The following ZFAND3 variants were observed in gnomAD, a reference collection of about 807,000 sequenced individuals.
ZFAND3 encodes AN1-type zinc finger protein 3.
In ZFAND3, 10 loss-of-function variants were observed where a neutral mutation model predicts 29.6. The ratio of observed to expected loss-of-function variants is 0.34; its 90% CI spans 0.21 to 0.57. ZFAND3 has a LOEUF of 0.57. Ranked by LOEUF, ZFAND3 falls within the 20% of genes least tolerant of loss-of-function variation. The probability of loss-of-function intolerance (pLI) is 0.86; values close to 1 mark genes in which losing one functional copy is unlikely to be tolerated. For synonymous variants in ZFAND3, 128 were observed against 112.6 expected, an observed-to-expected ratio of 1.14 and a Z score of -0.87; for missense variants, 230 against 304.5, an observed-to-expected ratio of 0.76 and a Z score of 1.82.
chr6:37,880,793 A>G (rs929102161), intron 1 of ZFAND3, among the ~76,000 whole-genome samples: 2 of 148,206 alleles, frequency 1.3e-5, no homozygotes, highest in African/African-American at 5.0e-5. Context: ...CTAGCACCTC[A>G]TAAAAAATAC....
intron 1 of ZFAND3, among the ~76,000 whole-genome samples, chr6:37,899,270 T>C (rs1007897292): frequency 6.6e-6 from 1 of 152,238 alleles, no homozygotes; most frequent in African/African-American, 2.4e-5. Flanking sequence ...TTGATTCTTA[T>C]TTGACTTTCC....
At position 38,139,464 on chromosome 6, in the gene ZFAND3, A is replaced by G. The variant is rs77458836; in HGVS notation, c.530-12771A>G. 3.2e-3 allele frequency among the ~76,000 whole-genome samples: 491 copies of G among 152,278 alleles called. 3 individuals are homozygous for G. The highest frequency in any genetic ancestry group is 0.011 in the African/African-American group (449 of 41,550). The stretch of plus-strand genomic sequence containing the variant: ...GTTCAAGATGCCTTGAAAGCATCCA[A>G]CTGGGCCCTAACCTAGTCTGAGGGT... On this transcript the variant is annotated intron_variant, in intron 5 of 5. Transcript: ENST00000287218.
chr6:38,029,132 A>G (rs531752626), intron 2 of ZFAND3, among the ~76,000 whole-genome samples: 7 of 152,328 alleles, frequency 4.6e-5, no homozygotes, highest in East Asian at 1.9e-4. Context: ...ATAAAATGAA[A>G]GTTTGTAGAA....
At chr6:37,978,469 C>G (rs1244584902) in intron 2 of ZFAND3, among the ~76,000 whole-genome samples, 1 of 152,034 alleles carries the variant, frequency 6.6e-6, no homozygotes, top group Non-Finnish European at 1.5e-5. Context: ...GTATTCCCTT[C>G]CTCTTTAATT....
intron 1 of ZFAND3, among the ~76,000 whole-genome samples, chr6:37,899,928 C>A (rs1265502483): frequency 6.6e-6 from 1 of 152,128 alleles, no homozygotes; most frequent in African/African-American, 2.4e-5. Context: ...TATGTTTGGG[C>A]ATGTACTATA....
chr6:37,880,536 C>A (rs1472287561), intron 1 of ZFAND3, among the ~76,000 whole-genome samples: 1 of 152,052 alleles, frequency 6.6e-6, no homozygotes, highest in African/African-American at 2.4e-5. Flanking sequence ...GGATGAGATA[C>A]CCCCTCTGAA....
intron 2 of ZFAND3, 35 bp downstream of exon 2, chr6:37,930,034 C>G: frequency 6.6e-7 from 1 of 1,510,064 alleles, no homozygotes. Flanking sequence ...AATTTACTTT[C>G]ATTTTTCTTT....
chr6:37,975,512 T>G (rs571904677), intron 2 of ZFAND3, among the ~76,000 whole-genome samples: 36 of 152,294 alleles, frequency 2.4e-4, no homozygotes, highest in African/African-American at 8.7e-4. Context: ...TAAATATTTT[T>G]TCTGCATTTT....
chr6:37,927,624 TC>T (rs1457118362), intron 1 of ZFAND3, among the ~76,000 whole-genome samples: 1 of 152,254 alleles, frequency 6.6e-6, no homozygotes, highest in Non-Finnish European at 1.5e-5. Context: ...TCTCACTTCT[TC>T]CTTGCGTTGG....
chr6:38,042,701 A>G (rs1330553520), intron 2 of ZFAND3, among the ~76,000 whole-genome samples: 1 of 152,210 alleles, frequency 6.6e-6, no homozygotes, highest in East Asian at 1.9e-4. Flanking sequence ...AAGGTAAGAA[A>G]AACAAGAGTA....
chr6:37,859,225 T>C (rs1764437100), intron 1 of ZFAND3, among the ~76,000 whole-genome samples: 1 of 152,258 alleles, frequency 6.6e-6, no homozygotes, highest in Non-Finnish European at 1.5e-5. Flanking sequence ...ATCAAGTATG[T>C]TAATGTATAT....
intron 2 of ZFAND3, among the ~76,000 whole-genome samples, chr6:38,005,889 A>G (rs779853986): frequency 1.2e-4 from 19 of 152,232 alleles, no homozygotes; most frequent in Non-Finnish European, 2.4e-4. Flanking sequence ...ATATATGGAC[A>G]TTTGGCAGAT....
At chr6:37,880,663 A>G (rs886487388) in intron 1 of ZFAND3, among the ~76,000 whole-genome samples, 2 of 152,134 alleles carry the variant, frequency 1.3e-5, no homozygotes, top group Non-Finnish European at 2.9e-5. Flanking sequence ...TCTTTCATGA[A>G]GGATATATTT....
intron 1 of ZFAND3, among the ~76,000 whole-genome samples, chr6:37,876,726 G>C (rs1764800065): frequency 6.6e-6 from 1 of 152,144 alleles, no homozygotes. Flanking sequence ...TTTGGAGTGT[G>C]GTTGAAAGAG....
intron 5 of ZFAND3, among the ~76,000 whole-genome samples, chr6:38,121,879 C>G (rs1357789063): frequency 2.0e-5 from 3 of 152,202 alleles, no homozygotes; most frequent in African/African-American, 7.2e-5. Context: ...CACTTTAAGA[C>G]CAAGTAAATG....
chr6:37,820,231 C>A (rs1309621021), intron 1 of ZFAND3, among the ~76,000 whole-genome samples: 1 of 152,040 alleles, frequency 6.6e-6, no homozygotes, highest in Non-Finnish European at 1.5e-5. Flanking sequence ...GCGTTGCTAC[C>A]CTTTGGGACT....
At chr6:37,934,958 A>G (rs973789196) in intron 2 of ZFAND3, among the ~76,000 whole-genome samples, 5 of 151,388 alleles carry the variant, frequency 3.3e-5, no homozygotes, top group Non-Finnish European at 7.4e-5. Context: ...CCCCTTTCAC[A>G]TATTCTGTAT....
intron 2 of ZFAND3, among the ~76,000 whole-genome samples, chr6:37,985,688 A>G (rs564229412): frequency 2.0e-5 from 3 of 152,318 alleles, no homozygotes; most frequent in African/African-American, 4.8e-5. Flanking sequence ...CCAAAAAAAA[A>G]TAACAATAAG....
chr6:37,870,540 A>C (rs912645993), intron 1 of ZFAND3, among the ~76,000 whole-genome samples: 5 of 146,798 alleles, frequency 3.4e-5, no homozygotes, highest in African/African-American at 5.0e-5. Context: ...TGGAGGTTGC[A>C]GTGAGCCAAG....
Sources: allele counts gnomAD v4.1 joint callset (sites outside exome capture counted in the v4.1 genomes callset), GRCh38; gene constraint gnomAD v4.1.1; transcripts MANE v1.5; gene names NCBI Gene and HGNC (gene_info 2026-07-23, HGNC 2026-07-21).